Variants in MSRB3 observed in about 807,000 individuals in gnomAD.
MSRB3 encodes methionine-R-sulfoxide reductase B3.
MSRB3 carries 13 observed loss-of-function variants against 21.0 expected under a neutral mutation model. That is an observed-to-expected ratio of 0.62 (90% confidence interval 0.40 to 0.98). MSRB3 has a LOEUF of 0.98. Ranked by LOEUF, MSRB3 falls within the 50% of genes least tolerant of loss-of-function variation. The probability of loss-of-function intolerance (pLI) is 0.00; values close to 1 mark genes in which losing one functional copy is unlikely to be tolerated. For synonymous variants in MSRB3, 87 were observed against 88.6 expected, an observed-to-expected ratio of 0.98 and a Z score of 0.10; for missense variants, 199 against 230.3, an observed-to-expected ratio of 0.86 and a Z score of 0.88.
At chr12:65,359,296 T>A (rs950818023) in intron 4 of MSRB3, among the ~76,000 whole-genome samples, 1 of 152,006 alleles carries the variant, frequency 6.6e-6, no homozygotes, top group Non-Finnish European at 1.5e-5. Flanking sequence ...TCTGTATTGC[T>A]CTTGTCTGAG....
intron 4 of MSRB3, among the ~76,000 whole-genome samples, chr12:65,346,191 A>G (rs1876490914): frequency 6.6e-6 from 1 of 152,198 alleles, no homozygotes; most frequent in Non-Finnish European, 1.5e-5. Context: ...ACTAGTTTAC[A>G]GTCCCACCAA....
intron 5 of MSRB3, among the ~76,000 whole-genome samples, chr12:65,409,659 AT>A (rs1432377648): frequency 6.6e-6 from 1 of 151,840 alleles, no homozygotes; most frequent in Non-Finnish European, 1.5e-5. Flanking sequence ...ATTATTAGTA[AT>A]TTTTTTCTTA....
intron 5 of MSRB3, among the ~76,000 whole-genome samples, chr12:65,406,995 A>G (rs1340638381): frequency 6.6e-6 from 1 of 152,184 alleles, no homozygotes; most frequent in African/African-American, 2.4e-5. Context: ...AACTGTGAGA[A>G]ATTAATTTCT....
In MSRB3 at chr12:65,278,707, GC is replaced by G; in HGVS notation, c.-207del. On this transcript the variant is annotated 5_prime_UTR_variant, in exon 1 of 7. An upstream open reading frame in the 5' UTR loses its in-frame stop. Coordinates refer to ENST00000308259, the MANE Select transcript of MSRB3 (RefSeq NM_001031679.3). ...CATGCCTCCCGCCGCCCCGTCCGTCGCCCGGAGCCGGGGAGGGAGGGAGCGA... is the reference window on the plus strand; with the variant it reads ...CATGCCTCCCGCCGCCCCGTCCGTCGCCGGAGCCGGGGAGGGAGGGAGCGA... The G allele has an allele frequency of 6.9e-7, 1 of 1,445,276 alleles. No homozygotes were observed. Among genetic ancestry groups the G allele is most frequent in the Non-Finnish European group, 9.5e-7 (1 of 1,056,248 alleles). The allele number at this position is 1,445,276 out of a possible 1,614,324, so 89.5% of individuals were successfully genotyped here. A position where few individuals can be genotyped will look rare whatever the true frequency, so the allele number is the denominator to read the frequency against.
chr12:65,430,785 C>T (rs1435284049), intron 5 of MSRB3, among the ~76,000 whole-genome samples: 1 of 151,956 alleles, frequency 6.6e-6, no homozygotes, highest in African/African-American at 2.4e-5. Context: ...GAATCCTGGA[C>T]CTACTCCTAA....
intron 4 of MSRB3, among the ~76,000 whole-genome samples, chr12:65,355,727 C>T (rs1272440956): frequency 6.6e-6 from 1 of 151,588 alleles, no homozygotes; most frequent in Non-Finnish European, 1.5e-5. Context: ...TGTAGTATGC[C>T]CCTTTGAGAT....
At chr12:65,347,715 T>C (rs1876616992) in intron 4 of MSRB3, among the ~76,000 whole-genome samples, 1 of 152,212 alleles carries the variant, frequency 6.6e-6, no homozygotes, top group African/African-American at 2.4e-5. Context: ...TGACATTGCC[T>C]GTGGGTTTGT....
chr12:65,363,580 A>G (rs1487291304), intron 4 of MSRB3, among the ~76,000 whole-genome samples: 2 of 152,274 alleles, frequency 1.3e-5, no homozygotes, highest in African/African-American at 2.4e-5. Context: ...ATGTTTAAAA[A>G]TTTGGAAGTT....
chr12:65,455,062 G>A (rs184482367), intron 6 of MSRB3, among the ~76,000 whole-genome samples: 1 of 152,278 alleles, frequency 6.6e-6, no homozygotes, highest in East Asian at 1.9e-4. Context: ...TGATCAGGCA[G>A]CTGTAATAGC....
intron 1 of MSRB3, among the ~76,000 whole-genome samples, chr12:65,307,525 C>T (rs963264016): frequency 3.9e-5 from 6 of 151,924 alleles, no homozygotes; most frequent in African/African-American, 1.5e-4. Flanking sequence ...AATTTTTGGA[C>T]ATTTAATGGT....
At chr12:65,314,822 CAT>C (rs1425736756) in intron 2 of MSRB3, among the ~76,000 whole-genome samples, 3 of 152,064 alleles carry the variant, frequency 2.0e-5, no homozygotes, top group Non-Finnish European at 2.9e-5. Flanking sequence ...GTGTGTAAAA[CAT>C]AAATTCTGAA....
In MSRB3 at chr12:65,308,188, C is replaced by T. The variant is rs115514613; in HGVS notation, c.-51-341C>T. Reference sequence around the variant, plus strand: ...TTATTGTAAGAATTAAATGATACAACGTGTATATTAGGCTCCAGACAGTTC... The same window carrying T: ...TTATTGTAAGAATTAAATGATACAATGTGTATATTAGGCTCCAGACAGTTC... On this transcript the variant is annotated intron_variant, in intron 1 of 6. Coordinates refer to ENST00000308259, the MANE Select transcript of MSRB3 (RefSeq NM_001031679.3). Among the ~76,000 whole-genome samples, 631 of 152,248 alleles carry T rather than the reference C, an allele frequency of 4.1e-3. 5 individuals carry two copies. Among genetic ancestry groups the T allele is most frequent in the African/African-American group, 0.013 (537 of 41,524 alleles).
chr12:65,375,534 C>T (rs1878562802), intron 5 of MSRB3, among the ~76,000 whole-genome samples: 1 of 152,100 alleles, frequency 6.6e-6, no homozygotes, highest in African/African-American at 2.4e-5. Context: ...AACTCCTGGG[C>T]TCAAGTGACC....
rs565389860 is a variant in MSRB3, at chr12:65,428,905, G to T, written c.293-24823G>T. 4.6e-5 allele frequency among the ~76,000 whole-genome samples: 7 copies of T among 152,244 alleles called. No individual in the cohort carries two copies. The South Asian group carries it at 1.5e-3, about 32-fold the overall frequency. On this transcript the variant is annotated intron_variant, in intron 5 of 6. Transcript: ENST00000308259. Reference sequence around the variant, plus strand: ...ATATCCTTTTTTTCCCCATAAGATAGACATGGGGTTTCTTTCTACTAGAAT... The same window carrying T: ...ATATCCTTTTTTTCCCCATAAGATATACATGGGGTTTCTTTCTACTAGAAT...
intron 5 of MSRB3, among the ~76,000 whole-genome samples, chr12:65,416,479 G>A (rs1380424956): frequency 1.3e-5 from 2 of 152,168 alleles, no homozygotes; most frequent in African/African-American, 2.4e-5. Context: ...GTCATTGTGT[G>A]AACATTGGAG....
intron 4 of MSRB3, among the ~76,000 whole-genome samples, chr12:65,329,344 C>A (rs1040666676): frequency 2.6e-5 from 4 of 152,048 alleles, no homozygotes; most frequent in African/African-American, 4.8e-5. Context: ...AAGGCAGAAA[C>A]CTTAATTGGG....
chr12:65,280,198 CA>C (rs1196768818), intron 1 of MSRB3, among the ~76,000 whole-genome samples: 3 of 152,172 alleles, frequency 2.0e-5, no homozygotes, highest in Non-Finnish European at 4.4e-5. Flanking sequence ...TAACTTTATT[CA>C]ATTTGCAATT....
chr12:65,365,923 A>G (rs901514092), intron 4 of MSRB3, among the ~76,000 whole-genome samples: 9 of 152,132 alleles, frequency 5.9e-5, no homozygotes, highest in Admixed American at 5.9e-4. Flanking sequence ...TTCTCTTCCA[A>G]TGGCCATGGA....
chr12:65,371,328 CAAA>C (rs34453745), intron 5 of MSRB3, among the ~76,000 whole-genome samples: 3 of 84,854 alleles, frequency 3.5e-5, no homozygotes, highest in Admixed American at 1.4e-4. Context: ...GACTCCATCT[CAAA>C]AAAAAAAAAA....
Sources: allele counts gnomAD v4.1 joint callset (sites outside exome capture counted in the v4.1 genomes callset), GRCh38; gene constraint gnomAD v4.1.1; transcripts MANE v1.5; gene names NCBI Gene and HGNC (gene_info 2026-07-23, HGNC 2026-07-21).